ABHD12: variants seen among roughly 807,000 people sequenced by gnomAD.
ABHD12 encodes the protein lysophosphatidylserine lipase ABHD12.
A neutral mutation model predicts 58.3 loss-of-function variants in ABHD12; 43 were observed. That is an observed-to-expected ratio of 0.74 (90% CI 0.58 to 0.95). The LOEUF is 0.95. Ranked by LOEUF, ABHD12 falls within the 40% of genes least tolerant of loss-of-function variation. The probability of loss-of-function intolerance (pLI) is 0.00; values close to 1 mark genes in which losing one functional copy is unlikely to be tolerated. For synonymous variants in ABHD12, 219 were observed against 211.2 expected (o/e 1.04, Z -0.32); for missense variants, 539 against 537.2 (o/e 1.00, Z -0.03).
chr20:25,364,216 T>G (rs2089790268), intron 1 of ABHD12, among the ~76,000 whole-genome samples: 1 of 152,254 alleles, frequency 6.6e-6, no homozygotes, highest in African/African-American at 2.4e-5. Context: ...AAACTCATGA[T>G]AAGACAATAT....
At chr20:25,374,832 A>AAC (rs2146116779) in intron 1 of ABHD12, among the ~76,000 whole-genome samples, 1 of 152,294 alleles carries the variant, frequency 6.6e-6, no homozygotes, top group Non-Finnish European at 1.5e-5. Flanking sequence ...CTTCAACACT[A>AAC]ACGTGCGTGT....
At chr20:25,307,901 A>G in intron 9 of ABHD12, 65 bp downstream of exon 9, 1 of 763,668 alleles carries the variant, frequency 1.3e-6, no homozygotes, top group Non-Finnish European at 2.2e-6. Context: ...TGTATCCTGT[A>G]ATTAGTTATT....
chr20:25,298,410 C>G (rs1239406756), downstream of ABHD12, among the ~76,000 whole-genome samples: 1 of 152,034 alleles, frequency 6.6e-6, no homozygotes, highest in South Asian at 2.1e-4. Flanking sequence ...GCATTACAGG[C>G]GCCCACCACC....
At chr20:25,367,911 A>G (rs770504570) in intron 1 of ABHD12, among the ~76,000 whole-genome samples, 15 of 152,202 alleles carry the variant, frequency 9.9e-5, no homozygotes, top group Non-Finnish European at 2.1e-4. Context: ...TTTGGTAGAT[A>G]CCCAGAAGCG....
downstream of ABHD12, chr20:25,300,178 A>C (rs1267169734): frequency 4.9e-5 from 49 of 990,198 alleles, no homozygotes; most frequent in Non-Finnish European, 5.8e-5. Flanking sequence ...TGGAGGAGGC[A>C]ACATTGACCC....
At chr20:25,379,136 G>C (rs1388109453) in intron 1 of ABHD12, among the ~76,000 whole-genome samples, 1 of 152,156 alleles carries the variant, frequency 6.6e-6, no homozygotes, top group Non-Finnish European at 1.5e-5. Context: ...TCCATGCTGG[G>C]ATGTGTGCAG....
At chr20:25,302,105 CTCT>C in intron 12 of ABHD12, 111 bp downstream of exon 12, 1 of 1,482,674 alleles carries the variant, frequency 6.7e-7, no homozygotes. Flanking sequence ...ATCACTGTGA[CTCT>C]TGGCCCCACT....
At chr20:25,309,652 G>A in intron 6 of ABHD12, 77 bp from the exon 7 acceptor site, 7 of 1,597,666 alleles carry the variant, frequency 4.4e-6, no homozygotes, top group Non-Finnish European at 6.0e-6. Flanking sequence ...CCCCAAGGGG[G>A]CCCAGGGCCA....
intron 7 of ABHD12, 91 bp from the exon 8 acceptor site, chr20:25,308,585 T>C (rs887137956): frequency 1.9e-5 from 28 of 1,458,456 alleles, no homozygotes; most frequent in East Asian, 2.5e-5. Context: ...AGAGGAGCCA[T>C]GGGGTCTGTG....
At chr20:25,328,193 CT>C (rs1183983287) in intron 2 of ABHD12, among the ~76,000 whole-genome samples, 1 of 152,118 alleles carries the variant, frequency 6.6e-6, no homozygotes, top group Non-Finnish European at 1.5e-5. Flanking sequence ...AGAGGAATGC[CT>C]GGAAAGTGGG....
chr20:25,355,346 T>C (rs1385259586), intron 1 of ABHD12, among the ~76,000 whole-genome samples: 4 of 151,808 alleles, frequency 2.6e-5, no homozygotes, highest in African/African-American at 9.7e-5. Flanking sequence ...AAGGGCAATA[T>C]AGAAAAAAAA....
At chr20:25,388,780 A>ACTTTTTC (rs1568783127) in intron 1 of ABHD12, among the ~76,000 whole-genome samples, 2 of 105,930 alleles carry the variant, frequency 1.9e-5, no homozygotes, top group Non-Finnish European at 2.0e-5. Context: ...AAACAATTTG[A>ACTTTTTC]TTTTTTCTTT....
chr20:25,371,290 G>A (rs1276758614), intron 1 of ABHD12, among the ~76,000 whole-genome samples: 3 of 152,160 alleles, frequency 2.0e-5, no homozygotes, highest in African/African-American at 2.4e-5. Context: ...CGCTCTATCA[G>A]GATGGTAGCC....
downstream of ABHD12, chr20:25,296,501 C>T (rs1568702918): frequency 1.9e-6 from 3 of 1,613,572 alleles, no homozygotes; most frequent in Non-Finnish European, 8.5e-7. Flanking sequence ...AGATCCCGCC[C>T]CCCAACATCC....
chr20:25,377,980 G>T (rs2089980179), intron 1 of ABHD12, among the ~76,000 whole-genome samples: 1 of 152,214 alleles, frequency 6.6e-6, no homozygotes, highest in African/African-American at 2.4e-5. Context: ...ACAGGCGTGG[G>T]CCACCGCGTC....
downstream of ABHD12, chr20:25,295,765 C>A: frequency 7.2e-7 from 1 of 1,397,764 alleles, no homozygotes. Context: ...TGAGTAGATT[C>A]TTGGCCTGGG....
downstream of ABHD12, among the ~76,000 whole-genome samples, chr20:25,296,077 T>C (rs1233565737): frequency 1.3e-5 from 2 of 152,152 alleles, no homozygotes; most frequent in Non-Finnish European, 2.9e-5. Context: ...GCCTGGGCAG[T>C]TCTTACCTGG....
At chr20:25,384,704 T>C (rs4813563) in intron 1 of ABHD12, among the ~76,000 whole-genome samples, 86,414 of 151,998 alleles carry the variant, frequency 0.57, 25,304 homozygotes, top group African/African-American at 0.62. Context: ...ATGACTGCAC[T>C]GCAGCACTCC....
At position 25,300,520 on chromosome 20, in the gene ABHD12, C is replaced by T. The variant is rs937187138; in HGVS notation, c.*325G>A. ...GCCCCAAGAGTCCCCTGCCCGGACT[C>T]CCCCTGTCCAGCTCAGTGCAGCATC... On this transcript the variant is annotated 3_prime_UTR_variant, in exon 13 of 13. Transcript: ENST00000339157. 46 of 1,336,878 alleles carry T rather than the reference C, an allele frequency of 3.4e-5. No homozygotes were observed. The highest frequency in any genetic ancestry group is 4.4e-5 in the Non-Finnish European group (46 of 1,039,448). 82.8% of individuals were successfully genotyped at this position (1,336,878 alleles called of 1,614,324 possible).
Sources: allele counts gnomAD v4.1 joint callset (sites outside exome capture counted in the v4.1 genomes callset), GRCh38; gene constraint gnomAD v4.1.1; transcripts MANE v1.5; gene names NCBI Gene and HGNC (gene_info 2026-07-23, HGNC 2026-07-21).